Variants in TTC21B observed in about 807,000 individuals in gnomAD.
The protein encoded by TTC21B is tetratricopeptide repeat domain 21B, also known as tetratricopeptide repeat protein 21B.
TTC21B carries 127 observed loss-of-function variants against 175.1 expected under a neutral mutation model. That is an observed-to-expected ratio of 0.73 (90% CI 0.63 to 0.84). The LOEUF (loss-of-function observed/expected upper bound fraction) is 0.84. TTC21B is among the 40% of genes least tolerant of loss of function. TTC21B has a pLI of 0.00. For synonymous variants in TTC21B, 524 were observed against 524.5 expected (o/e 1.00, Z 0.01); for missense variants, 1,561 against 1,558.3 (o/e 1.00, Z -0.03).
At chr2:165,880,610 C>T (rs1684804833) in intron 27 of TTC21B, 69 bp downstream of exon 27, 8 of 1,531,966 alleles carry the variant, frequency 5.2e-6, no homozygotes, top group Non-Finnish European at 7.2e-6. Flanking sequence ...AAATCAAATG[C>T]ATTTAAATGA....
intron 19 of TTC21B, among the ~76,000 whole-genome samples, chr2:165,907,394 A>G (rs1192881655): frequency 6.6e-6 from 1 of 152,196 alleles, no homozygotes; most frequent in African/African-American, 2.4e-5. Context: ...AGAAAGCACT[A>G]AGTTCAAATC....
intron 20 of TTC21B, among the ~76,000 whole-genome samples, chr2:165,901,406 C>T (rs867517595): frequency 2.6e-5 from 4 of 151,964 alleles, no homozygotes; most frequent in East Asian, 1.9e-4. Flanking sequence ...GCAACCTCTC[C>T]GCCTCCCAGG....
chr2:165,953,559 G>C, intron 1 of TTC21B, 126 bp downstream of exon 1: 3 of 1,468,744 alleles, frequency 2.0e-6, no homozygotes, highest in Non-Finnish European at 2.8e-6. Flanking sequence ...CCGAGCAGCC[G>C]GGGCACCGCA....
chr2:165,917,885 T>G (rs1232708148), intron 13 of TTC21B, among the ~76,000 whole-genome samples: 1 of 152,220 alleles, frequency 6.6e-6, no homozygotes, highest in East Asian at 1.9e-4. Context: ...TTTTTTTAAT[T>G]TGAAGATTAA....
At position 165,924,655 on chromosome 2, in the gene TTC21B, A is replaced by C; in HGVS notation, c.1410T>G (p.Leu470=). Residue 470 remains leucine, a synonymous_variant, in exon 12 of 29, where the codon CTT becomes CTG. Coordinates refer to ENST00000243344, the MANE Select transcript of TTC21B (RefSeq NM_024753.5). The stretch of plus-strand genomic sequence containing the variant: ...AGATGCAACGCCTGAGAAGTGGACA[A>C]AGAGGTTGCCCAGGACTTGCAGGCT... ...PMQPASPGQP[L]CPLLRRCISV... is the part of the protein sequence containing the mutation. 1 of 1,613,694 alleles carries C rather than the reference A, an allele frequency of 6.2e-7. No individual in the cohort carries two copies. The highest frequency in any genetic ancestry group is 8.5e-7 in the Non-Finnish European group (1 of 1,179,756).
At chr2:165,913,089 A>C (rs929243532) in intron 16 of TTC21B, among the ~76,000 whole-genome samples, 3 of 151,726 alleles carry the variant, frequency 2.0e-5, no homozygotes, top group African/African-American at 7.3e-5. Context: ...CCCAGGCTGG[A>C]GTGCAGTGGC....
chr2:165,933,390 G>C (rs1314529802), intron 6 of TTC21B, among the ~76,000 whole-genome samples: 1 of 152,042 alleles, frequency 6.6e-6, no homozygotes, highest in Non-Finnish European at 1.5e-5. Flanking sequence ...ACTTATTACA[G>C]GAATTCCGGG....
At position 165,904,628 on chromosome 2, in the gene TTC21B, C is replaced by A. The variant is rs548281481; in HGVS notation, c.2569-2718G>T. Among the ~76,000 whole-genome samples the A allele has an allele frequency of 3.9e-5, 6 of 152,340 alleles. No homozygotes were observed. In the South Asian group the frequency reaches 1.2e-3, roughly 32 times the overall value. The stretch of plus-strand genomic sequence containing the variant: ...TTAGGACTGAGGCATCTGCATTCCA[C>A]TTCAAACTCTTCTAGTAACCAGCTG... On this transcript the variant is annotated intron_variant, in intron 19 of 28. Coordinates refer to ENST00000243344, the MANE Select transcript of TTC21B (RefSeq NM_024753.5).
intron 6 of TTC21B, among the ~76,000 whole-genome samples, chr2:165,937,598 C>A (rs1217789296): frequency 6.6e-6 from 1 of 151,852 alleles, no homozygotes; most frequent in Non-Finnish European, 1.5e-5. Flanking sequence ...TAAAACTACC[C>A]TAAAAATACT....
In TTC21B at chr2:165,896,567, A is replaced by G. The variant is rs1340217532; in HGVS notation, c.2950+2119T>C. On this transcript the variant is annotated intron_variant, in intron 22 of 28. Coordinates refer to ENST00000243344, the MANE Select transcript of TTC21B (RefSeq NM_024753.5). ...AAACAGGATAAAGGGACAGAGAGCA[A>G]GAAGTGGTGCTACTTGATGTAGGCC... Among the ~76,000 whole-genome samples the G allele has an allele frequency of 2.0e-5, 3 of 152,176 alleles. No individual in the cohort carries two copies. The East Asian group carries it at 5.8e-4, about 29-fold the overall frequency.
At chr2:165,948,806 A>C (rs1687672086) in intron 3 of TTC21B, 1 of 152,648 alleles carries the variant, frequency 6.6e-6, no homozygotes, top group African/African-American at 2.4e-5. Context: ...CCTTCACCTC[A>C]GTCTCTCAAG....
intron 20 of TTC21B, 111 bp from the exon 21 acceptor site, chr2:165,899,991 ATGCCAAGTATAATAGAC>A: frequency 2.2e-6 from 1 of 455,414 alleles, no homozygotes; most frequent in Non-Finnish European, 4.4e-6. Context: ...TTGCAATAAA[ATGCCAAGTATAATAGAC>A]AAAAAAAAAA....
intron 19 of TTC21B, among the ~76,000 whole-genome samples, chr2:165,905,006 G>A (rs188930102): frequency 2.0e-5 from 3 of 152,074 alleles, no homozygotes; most frequent in Non-Finnish European, 2.9e-5. Context: ...AGGCAAAATC[G>A]CTTAAATGAG....
intron 20 of TTC21B, 128 bp from the exon 21 acceptor site, chr2:165,900,008 C>CAAAAAAAAAAAAAAA (rs200057550): frequency 5.7e-5 from 8 of 140,926 alleles, no homozygotes; most frequent in African/African-American, 1.4e-4. Context: ...GTATAATAGA[C>CAAAAAAAAAAAAAAA]AAAAAAAAAA....
chr2:165,950,637 T>C (rs1251461551), intron 1 of TTC21B, among the ~76,000 whole-genome samples: 2 of 152,168 alleles, frequency 1.3e-5, no homozygotes, highest in African/African-American at 4.8e-5. Context: ...TGTTTTGTTT[T>C]GGAGATTCTG....
At chr2:165,895,710 G>A (rs1164924977) in intron 22 of TTC21B, among the ~76,000 whole-genome samples, 2 of 152,082 alleles carry the variant, frequency 1.3e-5, no homozygotes, top group East Asian at 1.9e-4. Flanking sequence ...AATGTGGGTG[G>A]CAAGATGAGC....
intron 22 of TTC21B, among the ~76,000 whole-genome samples, chr2:165,897,854 G>C (rs1285922806): frequency 1.3e-5 from 2 of 152,180 alleles, no homozygotes; most frequent in Non-Finnish European, 2.9e-5. Context: ...AGAGACAAAT[G>C]AAGAAAGTCT....
chr2:165,917,090 G>C (rs1686203031), intron 14 of TTC21B, among the ~76,000 whole-genome samples, 167 bp downstream of exon 14: 1 of 152,088 alleles, frequency 6.6e-6, no homozygotes, highest in South Asian at 2.1e-4. Flanking sequence ...TATTGGCCAG[G>C]CTGGTCTCGA....
At chr2:165,878,310 C>T (rs927280166) in intron 27 of TTC21B, among the ~76,000 whole-genome samples, 7 of 152,096 alleles carry the variant, frequency 4.6e-5, no homozygotes, top group African/African-American at 1.7e-4. Context: ...CTGCACTACA[C>T]CTGCCAAACT....
Sources: gnomAD v4.1 joint callset for allele counts (sites outside exome capture counted in the v4.1 genomes callset) on GRCh38, gnomAD v4.1.1 for gene constraint, MANE v1.5 for transcripts, NCBI Gene and HGNC (gene_info 2026-07-23, HGNC 2026-07-21) for gene names.